Variants in SPATA22 observed in about 807,000 individuals in gnomAD.
SPATA22 encodes spermatogenesis associated 22.
SPATA22 carries 29 observed loss-of-function variants against 47.8 expected under a neutral mutation model. That is an observed-to-expected ratio of 0.61 (90% CI 0.45 to 0.83). The LOEUF (loss-of-function observed/expected upper bound fraction) is 0.83. SPATA22 is among the 40% of genes least tolerant of loss of function. SPATA22 has a pLI of 0.00. For synonymous variants in SPATA22, 133 were observed against 140.9 expected (o/e 0.94, Z 0.40); for missense variants, 410 against 421.7 (o/e 0.97, Z 0.24).
At chr17:3,453,021 C>T (rs1027953588) in intron 5 of SPATA22, among the ~76,000 whole-genome samples, 1 of 152,198 alleles carries the variant, frequency 6.6e-6, no homozygotes, top group African/African-American at 2.4e-5. Flanking sequence ...CTTCCAAATT[C>T]ATTTTATGAG....
chr17:3,507,647 A>C (rs2074053476), intron 1 of SPATA22, among the ~76,000 whole-genome samples: 1 of 152,194 alleles, frequency 6.6e-6, no homozygotes, highest in South Asian at 2.1e-4. Flanking sequence ...TGAACTTCGC[A>C]TGTCATTCCG....
At chr17:3,512,521 A>G (rs1215155065) in intron 1 of SPATA22, 1 of 152,168 alleles carries the variant, frequency 6.6e-6, no homozygotes, top group Non-Finnish European at 1.5e-5. Flanking sequence ...CCAAATTTCT[A>G]TTTCTGCCAT....
At chr17:3,464,753 C>T (rs1270554576) in intron 3 of SPATA22, among the ~76,000 whole-genome samples, 301 of 122,390 alleles carry the variant, frequency 2.5e-3, no homozygotes, top group East Asian at 8.8e-3. Flanking sequence ...GCAACCGCCC[C>T]GTCTGAGAAG....
At chr17:3,493,859 G>A (rs1277013115) in intron 1 of SPATA22, among the ~76,000 whole-genome samples, 2 of 152,062 alleles carry the variant, frequency 1.3e-5, no homozygotes, top group East Asian at 1.9e-4. Context: ...TCTGGCCGTC[G>A]GCGTGTTTGT....
In SPATA22 at chr17:3,444,755, GT is replaced by G. The variant is rs546037930; in HGVS notation, c.803-1485del. On this transcript the variant is annotated intron_variant, in intron 7 of 8. Coordinates refer to ENST00000572969, the MANE Select transcript of SPATA22 (RefSeq NM_001170698.2). ...TGAGTATTTAAAATCCACTAAAGTT[GT>G]TTTTTTCTGGGGGGTGCTTGCAACT... 2.7e-3 allele frequency among the ~76,000 whole-genome samples: 412 copies of G among 152,084 alleles called. 2 individuals are homozygous for G. Among genetic ancestry groups the G allele is most frequent in the African/African-American group, 9.5e-3 (393 of 41,516 alleles).
chr17:3,483,013 A>C (rs2073660268), intron 1 of SPATA22, among the ~76,000 whole-genome samples: 1 of 144,206 alleles, frequency 6.9e-6, no homozygotes, highest in South Asian at 2.2e-4. Context: ...ATGGAAGCAG[A>C]ATTGCTGACA....
chr17:3,501,737 G>A (rs2073991744), intron 1 of SPATA22: 1 of 152,922 alleles, frequency 6.5e-6, no homozygotes, highest in Non-Finnish European at 1.5e-5. Flanking sequence ...GAGCACCTGA[G>A]GTAAGGAGTT....
intron 1 of SPATA22, among the ~76,000 whole-genome samples, chr17:3,497,333 A>G (rs909448884): frequency 6.6e-6 from 1 of 152,206 alleles, no homozygotes; most frequent in Middle Eastern, 3.2e-3. Flanking sequence ...CCTGTAAATC[A>G]TCTGGGGCCT....
At chr17:3,441,479 T>C (rs754272072) in intron 8 of SPATA22, 2 of 151,946 alleles carry the variant, frequency 1.3e-5, no homozygotes, top group Non-Finnish European at 2.9e-5. Flanking sequence ...TCATCAGAAT[T>C]GTTATAATAA....
At position 3,449,047 on chromosome 17, in the gene SPATA22, A is replaced by AT. The variant is rs1265119761; in HGVS notation, c.431dup (p.Asn144LysfsTer19). On this transcript the variant is annotated frameshift_variant, in exon 6 of 9. Transcript: ENST00000572969. LOFTEE classifies it high-confidence loss of function. ...GAGCTCCCGAACTCACTGGACAAGAATTTTTTCCATCATTTGCCACTAAGT... is the reference window on the plus strand; with the variant it reads ...GAGCTCCCGAACTCACTGGACAAGAATTTTTTTCCATCATTTGCCACTAAGT... 3.1e-6 allele frequency: 5 copies of AT among 1,613,820 alleles called. No homozygotes were observed. The highest frequency in any genetic ancestry group is 4.2e-6 in the Non-Finnish European group (5 of 1,179,920).
upstream of SPATA22, among the ~76,000 whole-genome samples, chr17:3,473,109 T>TAA (rs34905771): frequency 3.0e-4 from 39 of 129,334 alleles, no homozygotes; most frequent in East Asian, 3.6e-3. Flanking sequence ...GATTTTTCAT[T>TAA]AAAAAAAAAA....
chr17:3,511,097 A>T (rs1007550254), intron 1 of SPATA22: 4 of 152,234 alleles, frequency 2.6e-5, no homozygotes, highest in Admixed American at 2.6e-4. Flanking sequence ...AAATTACTGA[A>T]ATGTCAATCA....
rs2073801017 is a variant in SPATA22 at position 3,490,231 on chromosome 17, T to G, written c.-73-20833A>C. 6.6e-6 allele frequency among the ~76,000 whole-genome samples: 1 copy of G among 152,178 alleles called. No individual in the cohort carries two copies. The highest frequency in any genetic ancestry group is 2.4e-5 in the African/African-American group (1 of 41,442). On this transcript the variant is annotated intron_variant, in intron 1 of 8. Coordinates refer to the SPATA22 transcript ENST00000541913. The surrounding 1 kb of genome is among the most constrained non-coding windows in gnomAD (Gnocchi z 4.6). Reference sequence around the variant, plus strand: ...ATTATATTCAATAAGAATAATGTATTTATGTATTATTTCTGTAATTAAAAA... The same window carrying G: ...ATTATATTCAATAAGAATAATGTATGTATGTATTATTTCTGTAATTAAAAA...
intron 1 of SPATA22, among the ~76,000 whole-genome samples, chr17:3,478,066 TC>T (rs2073560675): frequency 6.6e-6 from 1 of 151,982 alleles, no homozygotes; most frequent in African/African-American, 2.4e-5. Context: ...GCACCTGTAG[TC>T]CCAGCTATTC....
rs114801909 is a variant in SPATA22, at chr17:3,488,693, T to C, written c.-73-19295A>G. ...TAAATAAATAAAACCATTGCACTATTGTGTTAGGATGGATTGCTAGGTTAA... is the reference window on the plus strand; with the variant it reads ...TAAATAAATAAAACCATTGCACTATCGTGTTAGGATGGATTGCTAGGTTAA... On this transcript the variant is annotated intron_variant, in intron 1 of 8. Transcript: ENST00000541913. This position sits in a 1 kb window ranked among gnomAD's most constrained non-coding sequence, Gnocchi z 6.1. 3.6e-3 allele frequency among the ~76,000 whole-genome samples: 551 copies of C among 152,198 alleles called. 5 individuals are homozygous for C. Among genetic ancestry groups the C allele is most frequent in the African/African-American group, 0.012 (503 of 41,520 alleles).
Position 3,496,938 on chromosome 17 carries a change from C to T in SPATA22, c.-74+16474G>A, listed in dbSNP as rs569143655. On this transcript the variant is annotated intron_variant, in intron 1 of 8. Coordinates refer to the SPATA22 transcript ENST00000541913. ...AAAATTAGCCGGGCATGGTGGCAGG[C>T]GCCTGTAATCCCAGCTACTCGGGAG... Among the ~76,000 whole-genome samples the T allele has an allele frequency of 1.4e-4, 22 of 152,180 alleles. No homozygotes were observed. The South Asian group carries it at 2.1e-3, about 14-fold the overall frequency.
chr17:3,462,383 C>A (rs2073141772), intron 5 of SPATA22, 100 bp downstream of exon 5: 2 of 784,446 alleles, frequency 2.5e-6, no homozygotes, highest in Admixed American at 5.3e-5. Flanking sequence ...AAATGTAATT[C>A]TGTCTGAGAA....
At chr17:3,453,481 T>C (rs578014930) in intron 5 of SPATA22, among the ~76,000 whole-genome samples, 1 of 152,090 alleles carries the variant, frequency 6.6e-6, no homozygotes, top group Admixed American at 6.5e-5. Context: ...AAAAAATAAG[T>C]ATAGAAGGAA....
chr17:3,443,909 C>T (rs1472704311), intron 7 of SPATA22, among the ~76,000 whole-genome samples: 2 of 151,938 alleles, frequency 1.3e-5, no homozygotes, highest in East Asian at 3.9e-4. Flanking sequence ...TCTACTCTTA[C>T]CAAAATTTTA....
Sources: gnomAD v4.1 joint callset for allele counts (sites outside exome capture counted in the v4.1 genomes callset) on GRCh38, gnomAD v4.1.1 for gene constraint, Gnocchi (gnomAD v3.1) non-coding constraint, MANE v1.5 for transcripts, NCBI Gene and HGNC (gene_info 2026-07-23, HGNC 2026-07-21) for gene names.